The following ZMAT3 variants were observed in gnomAD, a reference collection of about 807,000 sequenced individuals.
ZMAT3 encodes the protein zinc finger matrin-type protein 3.
Under a neutral mutation model 32.3 loss-of-function variants are expected in ZMAT3, and 17 were observed. The ratio of observed to expected loss-of-function variants is 0.53; its 90% CI spans 0.36 to 0.79. The LOEUF is 0.79. ZMAT3 is among the 30% of genes least tolerant of loss of function. The pLI, the probability that ZMAT3 is intolerant of heterozygous loss-of-function variation, is 0.00. For missense variants in ZMAT3, 329 were observed against 359.7 expected, an observed-to-expected ratio of 0.91 and a Z score of 0.69; for synonymous variants, 120 against 133.1, an observed-to-expected ratio of 0.90 and a Z score of 0.68.
chr3:179,031,813 A>AG (rs1387576694), intron 2 of ZMAT3, among the ~76,000 whole-genome samples: 2 of 151,706 alleles, frequency 1.3e-5, no homozygotes, highest in Non-Finnish European at 2.9e-5. Flanking sequence ...AGGCTGAGGC[A>AG]GGAGAACCAC....
intron 2 of ZMAT3, among the ~76,000 whole-genome samples, chr3:179,062,747 G>A (rs1721214317): frequency 6.6e-6 from 1 of 152,178 alleles, no homozygotes. Context: ...TTTGTTGGTT[G>A]AATTATTCTT....
rs541729824 is a variant in ZMAT3, at chr3:179,032,335, G to A, written c.271-1336C>T. Among the ~76,000 whole-genome samples the A allele has an allele frequency of 6.6e-5, 10 of 151,988 alleles. No homozygotes were observed. In the East Asian group the frequency reaches 1.2e-3, roughly 18 times the overall value. On this transcript the variant is annotated intron_variant, in intron 2 of 5. Coordinates refer to ENST00000311417, the MANE Select transcript of ZMAT3 (RefSeq NM_022470.4). ...GTTGCCCAGGCTGGACTGCAGTGGCGTGATCTCGGCTTGCTACAACCTCCA... is the reference window on the plus strand; with the variant it reads ...GTTGCCCAGGCTGGACTGCAGTGGCATGATCTCGGCTTGCTACAACCTCCA...
At chr3:179,043,413 A>C (rs1401954758) in intron 2 of ZMAT3, among the ~76,000 whole-genome samples, 1 of 152,196 alleles carries the variant, frequency 6.6e-6, no homozygotes, top group African/African-American at 2.4e-5. Flanking sequence ...CTCAGAAATA[A>C]CACCACACAT....
At position 179,024,861 on chromosome 3, in the gene ZMAT3, C is replaced by G; in HGVS notation, c.*156G>C. The G allele has an allele frequency of 3.6e-6, 2 of 560,118 alleles. No homozygotes were observed. The highest frequency in any genetic ancestry group is 3.1e-6 in the Non-Finnish European group (1 of 326,892). The allele number at this position is 560,118 out of a possible 1,614,324, so 34.7% of individuals were successfully genotyped here. On this transcript the variant is annotated 3_prime_UTR_variant, in exon 6 of 6. Coordinates refer to ENST00000311417, the MANE Select transcript of ZMAT3 (RefSeq NM_022470.4). Reference sequence around the variant, plus strand: ...CACCTCCCCCCGCCCCGCCCCCGGGCCCCCAGGTTTTGACATCTCATGGTA... The same window carrying G: ...CACCTCCCCCCGCCCCGCCCCCGGGGCCCCAGGTTTTGACATCTCATGGTA...
rs1246359979 is a variant in ZMAT3 at position 179,025,021 on chromosome 3, A to T, written c.866T>A (p.Val289Glu). Reference sequence around the variant, plus strand: ...TCTATCTTAATATGATAATCACTATACATATCCCAGATTCTCCATCTCATT... The same window carrying T: ...TCTATCTTAATATGATAATCACTATTCATATCCCAGATTCTCCATCTCATT... ...YRNEMENLGY[V>E] is the part of the protein sequence containing the mutation. The change falls in exon 6 of 6, where the codon GTA (valine) becomes GAA (glutamate). Residue 289 changes from valine to glutamate, a missense_variant. Physicochemically the swap from Val to Glu is moderately radical, Grantham distance 121. Transcript: ENST00000311417. The T allele has an allele frequency of 4.3e-6, 7 of 1,613,756 alleles. No homozygotes were observed. The highest frequency in any genetic ancestry group is 5.9e-6 in the Non-Finnish European group (7 of 1,179,746).
chr3:179,066,120 C>T lies in ZMAT3; in HGVS notation c.270+1363G>A, dbSNP rs139887504. ...ATACAGTCTTGGAGTTGAGATTAATCATGCTAACAGACTCTGCTTGAATGG... is the reference window on the plus strand; with the variant it reads ...ATACAGTCTTGGAGTTGAGATTAATTATGCTAACAGACTCTGCTTGAATGG... On this transcript the variant is annotated intron_variant, in intron 2 of 5. Transcript: ENST00000311417. Among the ~76,000 whole-genome samples, 121 of 152,208 alleles carry T rather than the reference C, an allele frequency of 7.9e-4. 2 individuals carry two copies. The highest frequency in any genetic ancestry group is 3.4e-3 in the Middle Eastern group (1 of 294).
At chr3:179,043,159 T>G (rs1720045244) in intron 2 of ZMAT3, among the ~76,000 whole-genome samples, 2 of 152,192 alleles carry the variant, frequency 1.3e-5, no homozygotes, top group Non-Finnish European at 2.9e-5. Context: ...CAAGGTAATT[T>G]ATAGATTAAA....
In ZMAT3 at chr3:179,037,534, C is replaced by A. The variant is rs150571043; in HGVS notation, c.271-6535G>T. On this transcript the variant is annotated intron_variant, in intron 2 of 5. Transcript: ENST00000311417. The stretch of plus-strand genomic sequence containing the variant: ...AGCACAGCCTGCCAGGCTGAGTGGG[C>A]GGAGTGAGCTCGGTGGAATGAGGCC... 1.2e-3 allele frequency among the ~76,000 whole-genome samples: 179 copies of A among 152,210 alleles called. 3 individuals carry two copies. In the East Asian group the frequency reaches 0.026, roughly 22 times the overall value.
chr3:179,067,919 C>A (rs1182703620), intron 1 of ZMAT3, 110 bp from the exon 2 acceptor site: 3 of 1,079,338 alleles, frequency 2.8e-6, no homozygotes, highest in Admixed American at 5.8e-5. Context: ...CTTCTCCAAA[C>A]CCATCTTTGG....
At chr3:179,025,393 C>T (rs189096271) in intron 5 of ZMAT3, among the ~76,000 whole-genome samples, 165 bp from the exon 6 acceptor site, 2 of 152,264 alleles carry the variant, frequency 1.3e-5, no homozygotes, top group East Asian at 3.9e-4. Context: ...TACAATTTTA[C>T]ACAGGTTCGA....
At chr3:179,051,691 T>C (rs371936503) in intron 2 of ZMAT3, among the ~76,000 whole-genome samples, 30 of 152,154 alleles carry the variant, frequency 2.0e-4, no homozygotes, top group African/African-American at 7.0e-4. Context: ...AAAATTTATA[T>C]GGAACCAAAA....
intron 2 of ZMAT3, among the ~76,000 whole-genome samples, chr3:179,066,496 T>A (rs1721424494): frequency 6.6e-6 from 1 of 152,180 alleles, no homozygotes. Context: ...ACACCCACAG[T>A]AAACAAAGTG....
rs1721478548 is a variant in ZMAT3, at chr3:179,067,545, G to A, written c.208C>T (p.Leu70=). Residue 70 remains leucine (L), a synonymous_variant, in exon 2 of 6, where the codon CTG becomes TTG. Transcript: ENST00000311417. ...GTGACATTGCAGAGTTTGCAGTACA[G>A]GGGCTTACATAGCTCCTCCAGGGCA... ...DCALEELCKP[L]YCKLCNVTLN... is the part of the protein sequence containing the mutation. 6.2e-7 allele frequency: 1 copy of A among 1,614,086 alleles called. No individual in the cohort carries two copies. The highest frequency in any genetic ancestry group is 1.1e-5 in the South Asian group (1 of 91,088).
At chr3:179,064,988 G>T (rs1174941771) in intron 2 of ZMAT3, among the ~76,000 whole-genome samples, 3 of 152,094 alleles carry the variant, frequency 2.0e-5, no homozygotes, top group African/African-American at 7.2e-5. Flanking sequence ...TAACATAATT[G>T]CTCTGTATTT....
rs1413158066 is a variant in ZMAT3, at chr3:179,046,826, A to AT, written c.271-15828dup. On this transcript the variant is annotated intron_variant, in intron 2 of 5. Coordinates refer to ENST00000311417, the MANE Select transcript of ZMAT3 (RefSeq NM_022470.4). The surrounding 1 kb of genome is among the most constrained non-coding windows in gnomAD (Gnocchi z 4.3). ...ACTCCATTGGCCCGTTCACACCCCT[A>AT]TTCCCCATAGCAGCTGCAGCAAGCC... is the stretch of plus-strand genomic sequence containing the variant. 6.6e-6 allele frequency among the ~76,000 whole-genome samples: 1 copy of AT among 151,998 alleles called. No homozygotes were observed. The highest frequency in any genetic ancestry group is 1.9e-4 in the East Asian group (1 of 5,174).
At chr3:179,038,515 T>C (rs931932606) in intron 2 of ZMAT3, among the ~76,000 whole-genome samples, 1 of 152,120 alleles carries the variant, frequency 6.6e-6, no homozygotes, top group African/African-American at 2.4e-5. Flanking sequence ...AAGGTTGAGG[T>C]TGCAGTGAGC....
rs944882790 is a variant in ZMAT3, at chr3:179,018,386, C to T, written c.*6631G>A. 1.3e-5 allele frequency: 2 copies of T among 151,892 alleles called. No individual in the cohort carries two copies. The highest frequency in any genetic ancestry group is 2.4e-5 in the African/African-American group (1 of 41,340). 9.4% of individuals were successfully genotyped at this position (151,892 alleles called of 1,614,324 possible). On this transcript the variant is annotated 3_prime_UTR_variant, in exon 6 of 6. Transcript: ENST00000311417. ...GCAGCAAGATTTTTAGCAACTGCGT[C>T]GGGCTTAATTTGGAACTATGGCCAT...
intron 2 of ZMAT3, among the ~76,000 whole-genome samples, chr3:179,050,007 A>AAG (rs1720461985): frequency 1.3e-5 from 2 of 148,702 alleles, no homozygotes; most frequent in Non-Finnish European, 3.0e-5. Context: ...AAAAAAAAAA[A>AAG]AAAAAAAAAA....
intron 2 of ZMAT3, among the ~76,000 whole-genome samples, chr3:179,052,290 A>C (rs535647276): frequency 6.6e-6 from 1 of 152,330 alleles, no homozygotes; most frequent in South Asian, 2.1e-4. Flanking sequence ...ATTCAAACAA[A>C]TCAGCAACAA....
Sources: allele counts gnomAD v4.1 joint callset (sites outside exome capture counted in the v4.1 genomes callset), GRCh38; gene constraint gnomAD v4.1.1; non-coding constraint Gnocchi (gnomAD v3.1); transcripts MANE v1.5; gene names NCBI Gene and HGNC (gene_info 2026-07-23, HGNC 2026-07-21).